CYP7B1: variants seen among roughly 807,000 people sequenced by gnomAD.
CYP7B1 encodes cytochrome P450 family 7 subfamily B member 1.
Under a neutral mutation model 42.7 loss-of-function variants are expected in CYP7B1, and 29 were observed. The observed-to-expected ratio is 0.68, with a 90% CI of 0.51 to 0.93. The LOEUF is 0.93. Among genes scored for constraint, CYP7B1 ranks in the 40% least tolerant of loss-of-function variants. The pLI, the probability that CYP7B1 is intolerant of heterozygous loss-of-function variation, is 0.00. For synonymous variants in CYP7B1, 235 were observed against 218.2 expected (o/e 1.08, Z -0.68); for missense variants, 655 against 600.5 (o/e 1.09, Z -0.95).
At chr8:64,657,756 A>G (rs897297626) in intron 1 of CYP7B1, among the ~76,000 whole-genome samples, 1 of 152,198 alleles carries the variant, frequency 6.6e-6, no homozygotes, top group Non-Finnish European at 1.5e-5. Context: ...TGTACATCCT[A>G]AAGACTTTCC....
intron 1 of CYP7B1, among the ~76,000 whole-genome samples, chr8:64,659,417 A>C (rs946467941): frequency 1.3e-5 from 2 of 152,206 alleles, no homozygotes; most frequent in African/African-American, 4.8e-5. Context: ...TATTCCCCTG[A>C]ATAAATATAA....
At chr8:64,645,891 C>T (rs546736537) in intron 1 of CYP7B1, among the ~76,000 whole-genome samples, 1 of 152,202 alleles carries the variant, frequency 6.6e-6, no homozygotes, top group South Asian at 2.1e-4. Flanking sequence ...AGAAATAACG[C>T]TGCATATCTA....
chr8:64,696,083 G>T (rs1806824537), intron 1 of CYP7B1, among the ~76,000 whole-genome samples: 1 of 152,116 alleles, frequency 6.6e-6, no homozygotes, highest in African/African-American at 2.4e-5. Flanking sequence ...CCCAACAACA[G>T]ATTTATTAAC....
chr8:64,696,745 T>C (rs2129632339), intron 1 of CYP7B1, among the ~76,000 whole-genome samples: 2 of 152,332 alleles, frequency 1.3e-5, no homozygotes, highest in East Asian at 3.9e-4. Context: ...TTCTTATATT[T>C]CATCAATTAT....
intron 1 of CYP7B1, among the ~76,000 whole-genome samples, chr8:64,662,482 A>G (rs2129631457): frequency 6.6e-6 from 1 of 152,306 alleles, no homozygotes; most frequent in East Asian, 1.9e-4. Flanking sequence ...TCTCCATTTT[A>G]AATATGAGCA....
intron 1 of CYP7B1, among the ~76,000 whole-genome samples, chr8:64,741,400 A>G (rs538153433): frequency 6.6e-6 from 1 of 151,982 alleles, no homozygotes; most frequent in East Asian, 1.9e-4. Flanking sequence ...GCTCACTGCA[A>G]CCTTCACCTC....
intron 1 of CYP7B1, among the ~76,000 whole-genome samples, chr8:64,756,524 G>A (rs1807811037): frequency 6.6e-6 from 1 of 152,208 alleles, no homozygotes; most frequent in Non-Finnish European, 1.5e-5. Flanking sequence ...GAACCAGAAT[G>A]GGGGCTTGCC....
intron 1 of CYP7B1, among the ~76,000 whole-genome samples, chr8:64,780,251 C>T (rs1249514434): frequency 6.6e-6 from 1 of 152,126 alleles, no homozygotes; most frequent in African/African-American, 2.4e-5. Context: ...ATAACAATTA[C>T]TGTACCAAAC....
intron 1 of CYP7B1, among the ~76,000 whole-genome samples, chr8:64,726,988 A>G (rs1223523319): frequency 1.3e-5 from 2 of 152,158 alleles, no homozygotes; most frequent in East Asian, 3.9e-4. Context: ...CTATCATCCA[A>G]TGAGTATGGG....
intron 1 of CYP7B1, among the ~76,000 whole-genome samples, chr8:64,632,444 A>G (rs1805710523): frequency 6.6e-6 from 1 of 152,062 alleles, no homozygotes; most frequent in Admixed American, 6.6e-5. Context: ...GTTTCTAATC[A>G]GCAGGTATAA....
At chr8:64,646,344 A>G (rs1805953962) in intron 1 of CYP7B1, among the ~76,000 whole-genome samples, 1 of 152,104 alleles carries the variant, frequency 6.6e-6, no homozygotes, top group Non-Finnish European at 1.5e-5. Context: ...AACTCAAACA[A>G]ATTTACAAGA....
chr8:64,723,564 G>A (rs1037662503), intron 1 of CYP7B1, among the ~76,000 whole-genome samples: 6 of 152,222 alleles, frequency 3.9e-5, no homozygotes, highest in East Asian at 1.9e-4. Context: ...TGTAAAAGTC[G>A]GATTTTAGTT....
intron 4 of CYP7B1, among the ~76,000 whole-genome samples, chr8:64,606,702 A>C (rs973801266): frequency 6.6e-6 from 1 of 152,224 alleles, no homozygotes; most frequent in South Asian, 2.1e-4. Context: ...TCAGATAGTA[A>C]GTGACAAATC....
chr8:64,767,864 G>A (rs1804132656), intron 1 of CYP7B1, among the ~76,000 whole-genome samples: 2 of 152,098 alleles, frequency 1.3e-5, no homozygotes, highest in South Asian at 4.2e-4. Context: ...CAGACCCCTG[G>A]ACCAGCCTGC....
chr8:64,753,729 A>G (rs1000080357), intron 1 of CYP7B1, among the ~76,000 whole-genome samples: 2 of 152,240 alleles, frequency 1.3e-5, no homozygotes, highest in African/African-American at 4.8e-5. Context: ...ACGAAATGAA[A>G]TCATTTCACA....
chr8:64,615,195 G>A lies in CYP7B1; in HGVS notation c.888C>T (p.Asn296=). The A allele has an allele frequency of 1.2e-6, 2 of 1,613,422 alleles. No individual in the cohort carries two copies. Among genetic ancestry groups the A allele is most frequent in the Non-Finnish European group, 1.7e-6 (2 of 1,179,636 alleles). The change falls in exon 4 of 6, where the codon AAC becomes AAT. Residue 296 remains asparagine, a synonymous_variant. Transcript: ENST00000310193. Reference sequence around the variant, plus strand: ...TTGCCCAGAACATAGTTGGAATAGTGTTTGCCACAGAGGCCCAGAGAAAGC... The same window carrying A: ...TTGCCCAGAACATAGTTGGAATAGTATTTGCCACAGAGGCCCAGAGAAAGC... ...HLGFLWASVA[N]TIPTMFWAMY...
At chr8:64,788,021 C>T (rs528688514) in intron 1 of CYP7B1, among the ~76,000 whole-genome samples, 1 of 152,310 alleles carries the variant, frequency 6.6e-6, no homozygotes, top group East Asian at 1.9e-4. Context: ...AAGATCCAAT[C>T]ACTTCCCACT....
At chr8:64,735,288 G>T (rs969319041) in intron 1 of CYP7B1, among the ~76,000 whole-genome samples, 1 of 152,168 alleles carries the variant, frequency 6.6e-6, no homozygotes, top group Admixed American at 6.5e-5. Flanking sequence ...AGCTGATTTT[G>T]AGAAATCACA....
intron 1 of CYP7B1, among the ~76,000 whole-genome samples, chr8:64,790,776 T>A (rs924251680): frequency 1.3e-5 from 2 of 152,186 alleles, no homozygotes; most frequent in Non-Finnish European, 2.9e-5. Context: ...CTGTTATGGG[T>A]TGAATCATGA....
Sources: gnomAD v4.1 joint callset for allele counts (sites outside exome capture counted in the v4.1 genomes callset) on GRCh38, gnomAD v4.1.1 for gene constraint, MANE v1.5 for transcripts, NCBI Gene and HGNC (gene_info 2026-07-23, HGNC 2026-07-21) for gene names.